The following HERC3 variants were observed in gnomAD, a reference collection of about 807,000 sequenced individuals.
HERC3 encodes HECT and RLD domain containing E3 ubiquitin protein ligase 3, also known as probable E3 ubiquitin-protein ligase HERC3.
Under a neutral mutation model 129.9 loss-of-function variants are expected in HERC3, and 58 were observed. The ratio of observed to expected loss-of-function variants is 0.45; its 90% CI spans 0.36 to 0.56. HERC3 has a LOEUF of 0.56. Among genes scored for constraint, HERC3 ranks in the 20% least tolerant of loss-of-function variants. The probability of loss-of-function intolerance (pLI) is 0.00; values close to 1 mark genes in which losing one functional copy is unlikely to be tolerated. For missense variants in HERC3, 835 were observed against 1,244.2 expected (o/e 0.67, Z 4.95); for synonymous variants, 430 against 451.0 (o/e 0.95, Z 0.59).
intron 20 of HERC3, 114 bp from the exon 21 acceptor site, chr4:88,681,045 A>AT: frequency 6.8e-7 from 1 of 1,461,038 alleles, no homozygotes; most frequent in South Asian, 1.4e-5. Flanking sequence ...GTAACTAAAT[A>AT]TTAATGAGAC....
the HERC3 span, among the ~76,000 whole-genome samples, chr4:88,568,543 C>G: frequency 6.6e-6 from 1 of 152,040 alleles, no homozygotes; most frequent in African/African-American, 2.4e-5. Flanking sequence ...AAGAAGGAAT[C>G]TCTCCCTGCA....
intron 3 of HERC3, among the ~76,000 whole-genome samples, chr4:88,649,581 G>A (rs1463661791): frequency 2.6e-5 from 4 of 152,102 alleles, no homozygotes; most frequent in Non-Finnish European, 5.9e-5. Flanking sequence ...GGCTGTATAG[G>A]TTCAGGGAAC....
chr4:88,626,658 A>G (rs1726131791), intron 3 of HERC3, among the ~76,000 whole-genome samples: 1 of 152,088 alleles, frequency 6.6e-6, no homozygotes, highest in African/African-American at 2.4e-5. Flanking sequence ...TTCTTAGTTC[A>G]TGTCTTTTGA....
At chr4:88,546,325 C>G in the HERC3 span, among the ~76,000 whole-genome samples, 2 of 152,140 alleles carry the variant, frequency 1.3e-5, no homozygotes, top group Non-Finnish European at 2.9e-5. Flanking sequence ...AACACTGCAC[C>G]TCTGTTGGTC....
rs1181047670 is a variant in HERC3, at chr4:88,706,805, A to G, written c.2998A>G (p.Ile1000Val). The change falls in exon 26 of 26, where the codon ATT becomes GTT. Residue 1000 changes from isoleucine (I) to valine (V), a missense_variant. By Grantham distance (29) the Ile-to-Val change is conservative. Transcript: ENST00000402738. ...CATCTACGGCATGGCCAGTCTGCAG[A>G]TTGTCATCCAGTCCACAGCCAGCGG... ...IPIYGMASLQ[I>V]VIQSTASGEE... The G allele has an allele frequency of 6.2e-7, 1 of 1,613,958 alleles. No homozygotes were observed. Among genetic ancestry groups the G allele is most frequent in the African/African-American group, 1.3e-5 (1 of 74,896 alleles).
chr4:88,545,596 T>A, the HERC3 span, among the ~76,000 whole-genome samples: 1 of 151,966 alleles, frequency 6.6e-6, no homozygotes, highest in Admixed American at 6.6e-5. Context: ...TATGAGAATT[T>A]TTTTTCTTTT....
At chr4:88,600,505 G>A (rs905767522) in intron 2 of HERC3, among the ~76,000 whole-genome samples, 15 of 152,268 alleles carry the variant, frequency 9.9e-5, no homozygotes, top group African/African-American at 3.1e-4. Flanking sequence ...AGTTGAGAAG[G>A]GTTTAACATT....
chr4:88,550,095 C>G, the HERC3 span, among the ~76,000 whole-genome samples: 3 of 152,112 alleles, frequency 2.0e-5, no homozygotes, highest in Non-Finnish European at 4.4e-5. Flanking sequence ...AATACTCGAC[C>G]AATGAGGAAC....
At chr4:88,538,764 T>C in the HERC3 span, among the ~76,000 whole-genome samples, 1 of 151,966 alleles carries the variant, frequency 6.6e-6, no homozygotes, top group Admixed American at 6.6e-5. Context: ...AGGATGGTCT[T>C]GATCTCCTGA....
At chr4:88,681,616 G>A (rs1466816772) in intron 21 of HERC3, among the ~76,000 whole-genome samples, 2 of 152,138 alleles carry the variant, frequency 1.3e-5, no homozygotes, top group Non-Finnish European at 2.9e-5. Context: ...CCCATGGATT[G>A]GAAAAGTTGA....
the HERC3 span, among the ~76,000 whole-genome samples, chr4:88,584,578 G>A: frequency 3.9e-5 from 6 of 152,358 alleles, no homozygotes; most frequent in East Asian, 1.2e-3. Flanking sequence ...TGAGGGCTTA[G>A]TTGTCACAGC....
intron 3 of HERC3, among the ~76,000 whole-genome samples, chr4:88,616,768 A>G (rs1724944818): frequency 6.6e-6 from 1 of 152,210 alleles, no homozygotes. Flanking sequence ...TGTCATGAAC[A>G]ATGAGTAAAA....
intron 3 of HERC3, among the ~76,000 whole-genome samples, chr4:88,607,836 T>A (rs1271464417): frequency 6.6e-6 from 1 of 152,228 alleles, no homozygotes; most frequent in African/African-American, 2.4e-5. Flanking sequence ...TATAAGGTCC[T>A]CTTAGTAGTG....
chr4:88,529,693 G>A, the HERC3 span, among the ~76,000 whole-genome samples: 5 of 151,058 alleles, frequency 3.3e-5, no homozygotes, highest in Admixed American at 6.6e-5. Flanking sequence ...GGCAGAGGCT[G>A]CAGTGAGCTG....
chr4:88,662,293 T>A, intron 10 of HERC3, 138 bp from the exon 11 acceptor site: 1 of 769,766 alleles, frequency 1.3e-6, no homozygotes, highest in Middle Eastern at 3.7e-4. Flanking sequence ...TTCTGAAGGG[T>A]GGAGGGGATC....
At chr4:88,704,335 TG>T in intron 24 of HERC3, 54 bp downstream of exon 24, 1 of 1,564,742 alleles carries the variant, frequency 6.4e-7, no homozygotes, top group Non-Finnish European at 8.8e-7. Flanking sequence ...AGCAGCAGCC[TG>T]GGGAGGTGTT....
At chr4:88,595,190 T>A (rs1722229480) in intron 1 of HERC3, among the ~76,000 whole-genome samples, 1 of 151,144 alleles carries the variant, frequency 6.6e-6, no homozygotes, top group African/African-American at 2.4e-5. Flanking sequence ...GTGTCATACA[T>A]GGAAAAATAA....
chr4:88,562,358 T>C, the HERC3 span, among the ~76,000 whole-genome samples: 1 of 152,244 alleles, frequency 6.6e-6, no homozygotes, highest in Non-Finnish European at 1.5e-5. Flanking sequence ...GATTATTTTT[T>C]TCCTATAGAG....
the HERC3 span, among the ~76,000 whole-genome samples, chr4:88,570,839 C>T: frequency 5.9e-5 from 9 of 151,926 alleles, no homozygotes; most frequent in East Asian, 3.9e-4. Flanking sequence ...CTGCAAGCTC[C>T]GCCTCCCGGG....
Sources: allele counts gnomAD v4.1 joint callset (sites outside exome capture counted in the v4.1 genomes callset), GRCh38; gene constraint gnomAD v4.1.1; transcripts MANE v1.5; gene names NCBI Gene and HGNC (gene_info 2026-07-23, HGNC 2026-07-21).